Variants in TNS1 observed in about 807,000 individuals in gnomAD.
TNS1 encodes the protein tensin 1, also known as tensin-1.
In TNS1, 62 loss-of-function variants were observed where a neutral mutation model predicts 168.6. The observed-to-expected ratio is 0.37, with a 90% CI of 0.30 to 0.45. TNS1 has a LOEUF of 0.45. Ranked by LOEUF, TNS1 falls within the 20% of genes least tolerant of loss-of-function variation. The pLI is 1.00. For synonymous variants in TNS1, 934 were observed against 933.2 expected, an observed-to-expected ratio of 1.00 and a Z score of -0.02; for missense variants, 2,240 against 2,339.4, an observed-to-expected ratio of 0.96 and a Z score of 0.88.
At chr2:218,024,043 C>T (rs1407267825) in intron 1 of TNS1, among the ~76,000 whole-genome samples, 1 of 152,244 alleles carries the variant, frequency 6.6e-6, no homozygotes, top group Non-Finnish European at 1.5e-5. Flanking sequence ...ATGCTCTATA[C>T]TCCGAAGCTG....
intron 3 of TNS1, among the ~76,000 whole-genome samples, chr2:217,920,563 A>ATTTTTTTTT (rs35026780): frequency 0.01 from 1,423 of 135,772 alleles, 28 homozygotes; most frequent in African/African-American, 0.036. Flanking sequence ...AAGAAGAAGG[A>ATTTTTTTTT]TTTTTTTTTT....
intron 3 of TNS1, among the ~76,000 whole-genome samples, chr2:217,973,771 C>T (rs1434946490): frequency 6.6e-6 from 1 of 152,194 alleles, no homozygotes; most frequent in Admixed American, 6.5e-5. Context: ...CCTCACAGAA[C>T]TGCAAAGACG....
chr2:217,885,965 C>T (rs981054540), intron 14 of TNS1, 79 bp downstream of exon 14: 19 of 1,575,566 alleles, frequency 1.2e-5, no homozygotes, highest in Non-Finnish European at 1.6e-5. Flanking sequence ...AATATTCTCT[C>T]CTCTCCCCAA....
chr2:217,880,419 C>A lies in TNS1; in HGVS notation c.1429+479G>T, dbSNP rs961944631. Among the ~76,000 whole-genome samples, 1 of 152,280 alleles carries A rather than the reference C, an allele frequency of 6.6e-6. No homozygotes were observed. The highest frequency in any genetic ancestry group is 1.5e-5 in the Non-Finnish European group (1 of 68,034). Reference sequence around the variant, plus strand: ...AGGCCCTAGATCCTGTGCCTCTGTTCCTAGTACTCTGACCCCAGAGAACTC... The same window carrying A: ...AGGCCCTAGATCCTGTGCCTCTGTTACTAGTACTCTGACCCCAGAGAACTC... On this transcript the variant is annotated intron_variant, in intron 18 of 32. Coordinates refer to ENST00000682258, the MANE Select transcript of TNS1 (RefSeq NM_001387777.1). This position sits in a 1 kb window ranked among gnomAD's most constrained non-coding sequence, Gnocchi z 4.2.
At chr2:217,959,870 C>T (rs753601279) in intron 3 of TNS1, among the ~76,000 whole-genome samples, 5 of 128,720 alleles carry the variant, frequency 3.9e-5, no homozygotes, top group Non-Finnish European at 6.5e-5. Context: ...TCCAGGAATG[C>T]GGCTGGGGCT....
intron 1 of TNS1, among the ~76,000 whole-genome samples, chr2:218,016,361 G>A (rs1958760196): frequency 6.6e-6 from 1 of 152,154 alleles, no homozygotes. Context: ...GAACACAGGG[G>A]AGATACAGAT....
At chr2:217,994,592 T>C (rs1024559921) in intron 1 of TNS1, among the ~76,000 whole-genome samples, 2 of 152,196 alleles carry the variant, frequency 1.3e-5, no homozygotes, top group African/African-American at 4.8e-5. Context: ...CAAAGCACAG[T>C]TGGGGCAGCA....
exon 1 of TNS1, chr2:218,010,216 C>T: frequency 2.5e-6 from 1 of 398,962 alleles, no homozygotes; most frequent in Non-Finnish European, 4.4e-6. Flanking sequence ...AGAGTGGGCG[C>T]CTGGGGCGCG....
At chr2:218,025,241 A>T (rs535356423) in intron 1 of TNS1, among the ~76,000 whole-genome samples, 41 of 152,250 alleles carry the variant, frequency 2.7e-4, no homozygotes, top group African/African-American at 9.4e-4. Context: ...CCAGCTGCAT[A>T]CTTTATTTAT....
At position 217,813,398 on chromosome 2, in the gene TNS1, C is replaced by A. The variant is rs1559149774; in HGVS notation, c.4862-91G>T. 9.5e-6 allele frequency: 11 copies of A among 1,153,410 alleles called. No homozygotes were observed. The highest frequency in any genetic ancestry group is 1.3e-5 in the Non-Finnish European group (10 of 788,294). 71.4% of individuals were successfully genotyped at this position (1,153,410 alleles called of 1,614,324 possible). On this transcript the variant is annotated intron_variant, in intron 26 of 32. Transcript: ENST00000682258. The surrounding 1 kb of genome is among the most constrained non-coding windows in gnomAD (Gnocchi z 4.0). ...ACTGCTTCAAAACTTCCGCAGTGTG[C>A]GGGGCCAAGATGGGAGAAATGACTG...
At chr2:217,886,486 AAGGGAGG>A (rs1951213449) in intron 13 of TNS1, 41 bp downstream of exon 13, 3 of 1,436,360 alleles carry the variant, frequency 2.1e-6, no homozygotes, top group Non-Finnish European at 2.9e-6. Flanking sequence ...TGGAAGATGA[AAGGGAGG>A]AGTTGGCAAG....
intron 2 of TNS1, 173 bp from the exon 3 acceptor site, chr2:217,978,975 C>T: frequency 1.8e-6 from 1 of 542,616 alleles, no homozygotes; most frequent in Non-Finnish European, 3.4e-6. Context: ...GAGCGGCTGC[C>T]GGGCCTGCGG....
chr2:217,804,330 T>C lies in TNS1; in HGVS notation c.*129A>G, dbSNP rs545981462. ...TGCAATTCACTTCCCTCTCCCCACGTTGCACTTTCTTCTCTCCTCCGAAAT... is the reference window on the plus strand; with the variant it reads ...TGCAATTCACTTCCCTCTCCCCACGCTGCACTTTCTTCTCTCCTCCGAAAT... On this transcript the variant is annotated 3_prime_UTR_variant, in exon 33 of 33. Transcript: ENST00000682258. The C allele has an allele frequency of 9.4e-7, 1 of 1,065,070 alleles. No individual in the cohort carries two copies. Among genetic ancestry groups the C allele is most frequent in the African/African-American group, 1.6e-5 (1 of 61,974 alleles). 66.0% of individuals were successfully genotyped at this position (1,065,070 alleles called of 1,614,324 possible).
intron 17 of TNS1, 72 bp downstream of exon 17, chr2:217,882,274 G>T (rs1050099242): frequency 1.9e-6 from 2 of 1,067,248 alleles, no homozygotes; most frequent in African/African-American, 1.6e-5. Flanking sequence ...CAGACCAGGG[G>T]TGGAAGGGTG....
At position 217,806,162 on chromosome 2, in the gene TNS1, G is replaced by A. The variant is rs114322946; in HGVS notation, c.5376-1559C>T. 5.0e-3 allele frequency among the ~76,000 whole-genome samples: 763 copies of A among 152,312 alleles called. 5 individuals are homozygous for A. The highest frequency in any genetic ancestry group is 0.018 in the African/African-American group (735 of 41,572). ...GAGACCCGGCAACTGCACCTGACTGGAGCACCGAGCCTGCCCTCCCCTGAT... is the reference window on the plus strand; with the variant it reads ...GAGACCCGGCAACTGCACCTGACTGAAGCACCGAGCCTGCCCTCCCCTGAT... On this transcript the variant is annotated intron_variant, in intron 32 of 32. Transcript: ENST00000682258.
intron 6 of TNS1, chr2:217,903,816 G>C (rs768778614): frequency 2.1e-5 from 11 of 531,006 alleles, no homozygotes; most frequent in Non-Finnish European, 3.3e-5. Context: ...GGTGGCTCAA[G>C]GTCTATGACC....
rs146341310 is a variant in TNS1, at chr2:217,961,235, TCACA to T, written c.186+17526_186+17529del. ...CTCAGGGTGTCTCTCTCTCTCTCTCTCACACACACACACACACACACACACAGAG... is the reference window on the plus strand; with the variant it reads ...CTCAGGGTGTCTCTCTCTCTCTCTCTCACACACACACACACACACACAGAG... On this transcript the variant is annotated intron_variant, in intron 3 of 32. Transcript: ENST00000682258. Among the ~76,000 whole-genome samples, 11 of 144,942 alleles carry T rather than the reference TCACA, an allele frequency of 7.6e-5. No homozygotes were observed. In the East Asian group the frequency reaches 8.1e-4, roughly 11 times the overall value.
chr2:217,998,672 T>C (rs1958510679), intron 1 of TNS1, among the ~76,000 whole-genome samples: 1 of 152,156 alleles, frequency 6.6e-6, no homozygotes, highest in Non-Finnish European at 1.5e-5. Context: ...GATAACTTAT[T>C]TATTTTTCGT....
chr2:217,901,023 T>C (rs1233340475), intron 6 of TNS1, among the ~76,000 whole-genome samples: 2 of 152,088 alleles, frequency 1.3e-5, no homozygotes, highest in South Asian at 2.1e-4. Context: ...AGGTGGAGCA[T>C]GCAGGAACCA....
Sources: allele counts gnomAD v4.1 joint callset (sites outside exome capture counted in the v4.1 genomes callset), GRCh38; gene constraint gnomAD v4.1.1; non-coding constraint Gnocchi (gnomAD v3.1); transcripts MANE v1.5; gene names NCBI Gene and HGNC (gene_info 2026-07-23, HGNC 2026-07-21).